The following RYR3 variants were observed in gnomAD, a reference collection of about 807,000 sequenced individuals.
RYR3 encodes ryanodine receptor 3.
RYR3 carries 207 observed loss-of-function variants against 584.3 expected under a neutral mutation model. The observed-to-expected ratio is 0.35, with a 90% CI of 0.32 to 0.40. RYR3 has a LOEUF of 0.40. Ranked by LOEUF, RYR3 falls within the 10% of genes least tolerant of loss-of-function variation. The probability of loss-of-function intolerance (pLI) is 1.00; values close to 1 mark genes in which losing one functional copy is unlikely to be tolerated. For synonymous variants in RYR3, 2,416 were observed against 2,248.5 expected, an observed-to-expected ratio of 1.07 and a Z score of -2.11; for missense variants, 5,616 against 6,089.2, an observed-to-expected ratio of 0.92 and a Z score of 2.59.
chr15:33,448,601 A>G (rs185207863), intron 1 of RYR3, among the ~76,000 whole-genome samples: 2 of 152,270 alleles, frequency 1.3e-5, no homozygotes, highest in African/African-American at 4.8e-5. Flanking sequence ...GTTTCCACAG[A>G]TGGTGACAAA....
Position 33,770,043 on chromosome 15 carries a change from G to C in RYR3, c.8816+871G>C, listed in dbSNP as rs554246985. 7.3e-5 allele frequency among the ~76,000 whole-genome samples: 11 copies of C among 151,676 alleles called. No homozygotes were observed. The South Asian group carries it at 2.1e-3, about 29-fold the overall frequency. On this transcript the variant is annotated intron_variant, in intron 62 of 103. Coordinates refer to ENST00000634891, the MANE Select transcript of RYR3 (RefSeq NM_001036.6). ...TAAGAAGGGTCCTTGTCAGAGCCGG[G>C]CACCATGATTTCTGCCTATAGTCGA... is the stretch of plus-strand genomic sequence containing the variant.
At chr15:33,415,295 G>A (rs985531566) in intron 1 of RYR3, among the ~76,000 whole-genome samples, 3 of 152,052 alleles carry the variant, frequency 2.0e-5, no homozygotes, top group Admixed American at 2.0e-4. Context: ...TACGTGTCTA[G>A]CAGTGTATTT....
chr15:33,390,527 A>T lies in RYR3; in HGVS notation c.51+79431A>T, dbSNP rs2041926505. On this transcript the variant is annotated intron_variant, in intron 1 of 103. Transcript: ENST00000634891. The surrounding 1 kb of genome is among the most constrained non-coding windows in gnomAD (Gnocchi z 4.2). The stretch of plus-strand genomic sequence containing the variant: ...AAAGTTCGACGCATTTGTTTTCACG[A>T]CTTCTTCTTCAGGGGGTGATAGGTG... Among the ~76,000 whole-genome samples the T allele has an allele frequency of 6.6e-6, 1 of 152,112 alleles. No individual in the cohort carries two copies. The highest frequency in any genetic ancestry group is 2.4e-5 in the African/African-American group (1 of 41,406).
chr15:33,401,151 C>T (rs112612853), intron 1 of RYR3, among the ~76,000 whole-genome samples: 61 of 152,218 alleles, frequency 4.0e-4, no homozygotes, highest in Middle Eastern at 3.4e-3. Context: ...CTCTTCTGCT[C>T]GGCTATTATG....
chr15:33,484,746 A>ATAT (rs2050267895), intron 2 of RYR3, among the ~76,000 whole-genome samples: 2 of 152,188 alleles, frequency 1.3e-5, no homozygotes, highest in South Asian at 4.1e-4. Flanking sequence ...AATAGGGCAT[A>ATAT]TATTGGAGGA....
intron 81 of RYR3, among the ~76,000 whole-genome samples, chr15:33,824,070 A>G (rs1020982022): frequency 6.6e-6 from 1 of 152,184 alleles, no homozygotes; most frequent in African/African-American, 2.4e-5. Context: ...GAAAACAAAA[A>G]GGAATATTTC....
chr15:33,610,320 G>C (rs1370062649), intron 18 of RYR3, among the ~76,000 whole-genome samples: 1 of 152,086 alleles, frequency 6.6e-6, no homozygotes, highest in East Asian at 1.9e-4. Flanking sequence ...CAGATTCCCA[G>C]GCATCTTCCT....
intron 2 of RYR3, among the ~76,000 whole-genome samples, chr15:33,497,035 C>G (rs901772365): frequency 1.3e-5 from 2 of 152,154 alleles, no homozygotes; most frequent in African/African-American, 4.8e-5. Context: ...GGACTGACTA[C>G]CTGCATGGCT....
rs138724096 is a variant in RYR3 at position 33,725,686 on chromosome 15, G to A, written c.6913-700G>A. On this transcript the variant is annotated intron_variant, in intron 45 of 103. Transcript: ENST00000634891. Reference sequence around the variant, plus strand: ...TTTAACAGATTTCTAGAGGCCAGGCGTGGTGGTTTACGCCTGTGATCCCAG... The same window carrying A: ...TTTAACAGATTTCTAGAGGCCAGGCATGGTGGTTTACGCCTGTGATCCCAG... 1.2e-3 allele frequency among the ~76,000 whole-genome samples: 185 copies of A among 151,912 alleles called. 1 individual carries two copies. The highest frequency in any genetic ancestry group is 2.0e-3 in the Admixed American group (31 of 15,256).
chr15:33,742,264 A>T, intron 51 of RYR3, 102 bp from the exon 52 acceptor site: 1 of 769,122 alleles, frequency 1.3e-6, no homozygotes, highest in South Asian at 1.5e-5. Flanking sequence ...GGCTGATCAA[A>T]TCCACCTTCT....
chr15:33,586,096 A>C lies in RYR3; in HGVS notation c.1768A>C (p.Lys590Gln), dbSNP rs1567601360. Residue 590 changes from lysine to glutamine, a missense_variant, in exon 16 of 104, where the codon AAG becomes CAG. This residue lies in a region of RYR3 where 1,284 missense variants were observed against 1,344.6 expected (regional missense o/e 0.95). Coordinates refer to ENST00000634891, the MANE Select transcript of RYR3 (RefSeq NM_001036.6). ...HIKSIISLLDKHGRNHKVLDI... is the reference protein window; with the variant it reads ...HIKSIISLLDQHGRNHKVLDI... ...CAAGTCGATCATCTCCCTGTTGGAT[A>C]AGCACGGGCGGAATCACAAGGTAGG... The C allele has an allele frequency of 1.2e-6, 2 of 1,610,032 alleles. No individual in the cohort carries two copies. Among genetic ancestry groups the C allele is most frequent in the African/African-American group, 2.7e-5 (2 of 74,978 alleles).
chr15:33,437,467 G>T (rs1054944317), intron 1 of RYR3, among the ~76,000 whole-genome samples: 1 of 152,166 alleles, frequency 6.6e-6, no homozygotes, highest in African/African-American at 2.4e-5. Context: ...TTTCAGGAAG[G>T]GAAAATCTTT....
At chr15:33,420,619 T>C (rs970930847) in intron 1 of RYR3, among the ~76,000 whole-genome samples, 2 of 152,104 alleles carry the variant, frequency 1.3e-5, no homozygotes, top group Non-Finnish European at 2.9e-5. Context: ...CAGGGACAGA[T>C]GGAGCACTAG....
chr15:33,473,649 T>A, intron 2 of RYR3, 111 bp downstream of exon 2: 2 of 1,095,296 alleles, frequency 1.8e-6, no homozygotes, highest in Non-Finnish European at 2.6e-6. Context: ...AAAGGACACA[T>A]TTATTTTTTA....
chr15:33,533,401 T>G lies in RYR3; in HGVS notation c.433+12T>G, dbSNP rs143495944. 4 of 1,586,448 alleles carry G rather than the reference T, an allele frequency of 2.5e-6. No homozygotes were observed. Among genetic ancestry groups the G allele is most frequent in the South Asian group, 2.3e-5 (2 of 87,738 alleles). ...GGAACATGCCACAGGTGAGTCAGCA[T>G]TCCCAGATCTCTTGAGCTCAGCGGG... On this transcript the variant is annotated intron_variant, in intron 5 of 103. Transcript: ENST00000634891.
chr15:33,402,000 G>A (rs2596213), intron 1 of RYR3, among the ~76,000 whole-genome samples: 1 of 152,132 alleles, frequency 6.6e-6, no homozygotes, highest in African/African-American at 2.4e-5. Flanking sequence ...GTAGTAGACT[G>A]AGAAAGATGA....
rs117542343 is a variant in RYR3 at position 33,816,297 on chromosome 15, A to G, written c.10503-565A>G. Among the ~76,000 whole-genome samples the G allele has an allele frequency of 2.8e-3, 422 of 152,348 alleles. 3 individuals are homozygous for G. Among genetic ancestry groups the G allele is most frequent in the Non-Finnish European group, 4.5e-3 (309 of 68,032 alleles). On this transcript the variant is annotated intron_variant, in intron 74 of 103. Transcript: ENST00000634891. ...CCCACATACCAGGGACATAGCTAGA[A>G]TCCATGCGGCACACAGAAAATATGC...
intron 1 of RYR3, among the ~76,000 whole-genome samples, chr15:33,341,228 AG>A (rs1466144988): frequency 2.6e-5 from 4 of 152,106 alleles, no homozygotes; most frequent in Admixed American, 2.0e-4. Flanking sequence ...TAGTAGAGAC[AG>A]GGCTTCACCA....
intron 16 of RYR3, among the ~76,000 whole-genome samples, chr15:33,599,333 G>A (rs1164671545): frequency 6.6e-6 from 1 of 152,190 alleles, no homozygotes; most frequent in Non-Finnish European, 1.5e-5. Flanking sequence ...TGCCAAGGTT[G>A]AGGACACGCT....
Sources: gnomAD v4.1 joint callset for allele counts (sites outside exome capture counted in the v4.1 genomes callset) on GRCh38, gnomAD v4.1.1 for gene constraint, gnomAD v4.1.1 regional missense constraint, Gnocchi (gnomAD v3.1) non-coding constraint, MANE v1.5 for transcripts, NCBI Gene and HGNC (gene_info 2026-07-23, HGNC 2026-07-21) for gene names.